The following GLDC variants were observed in gnomAD, a reference collection of about 807,000 sequenced individuals.
GLDC encodes glycine decarboxylase.
GLDC carries 104 observed loss-of-function variants against 121.3 expected under a neutral mutation model. That is an observed-to-expected ratio of 0.86 (90% CI 0.73 to 1.01). The LOEUF is 1.01. GLDC is among the 50% of genes least tolerant of loss of function. The pLI is 0.00. For missense variants in GLDC, 1,429 were observed against 1,306.6 expected (o/e 1.09, Z -1.44); for synonymous variants, 546 against 480.6 (o/e 1.14, Z -1.78).
At chr9:6,626,337 A>C (rs773134506) in intron 2 of GLDC, among the ~76,000 whole-genome samples, 2 of 152,214 alleles carry the variant, frequency 1.3e-5, no homozygotes, top group Non-Finnish European at 2.9e-5. Flanking sequence ...GCTCCAGGAG[A>C]CCAGTCAAGA....
chr9:6,550,458 C>G (rs1287272319), intron 21 of GLDC, among the ~76,000 whole-genome samples: 1 of 152,054 alleles, frequency 6.6e-6, no homozygotes, highest in East Asian at 1.9e-4. Context: ...GAAACCCTGT[C>G]TCTACTAAAA....
intron 2 of GLDC, among the ~76,000 whole-genome samples, chr9:6,629,958 T>TATATATATATGTGTATATA: frequency 1.3e-5 from 1 of 78,680 alleles, no homozygotes. Flanking sequence ...TATATATATA[T>TATATATATATGTGTATATA]TTTTTTTTTT....
At chr9:6,611,428 T>TGGGC (rs1563860575) in intron 3 of GLDC, among the ~76,000 whole-genome samples, 2 of 152,102 alleles carry the variant, frequency 1.3e-5, no homozygotes, top group African/African-American at 4.8e-5. Context: ...TGGTGGCACG[T>TGGGC]GCCTGTAGTC....
chr9:6,629,467 G>A (rs571824854), intron 2 of GLDC, among the ~76,000 whole-genome samples: 9 of 151,974 alleles, frequency 5.9e-5, no homozygotes, highest in East Asian at 1.9e-4. Flanking sequence ...TGCCTGCCTC[G>A]GCCCCCAAGT....
chr9:6,564,106 G>A (rs1817809343), intron 16 of GLDC, among the ~76,000 whole-genome samples: 1 of 152,006 alleles, frequency 6.6e-6, no homozygotes, highest in African/African-American at 2.4e-5. Context: ...AAATTAGCCG[G>A]GCGTGGTGGC....
Position 6,591,429 on chromosome 9 carries a change from C to T in GLDC, c.1482+714G>A, listed in dbSNP as rs187708043. Among the ~76,000 whole-genome samples the T allele has an allele frequency of 1.1e-4, 17 of 152,320 alleles. No homozygotes were observed. In the East Asian group the frequency reaches 2.7e-3, roughly 24 times the overall value. ...CTGTAAGCACCAGGAGGACAAGAAG[C>T]ATGTCTAATTCACCACTGTGTCTTC... is the stretch of plus-strand genomic sequence containing the variant. On this transcript the variant is annotated intron_variant, in intron 11 of 24. Transcript: ENST00000321612.
intron 8 of GLDC, among the ~76,000 whole-genome samples, chr9:6,599,456 C>T (rs1032357201): frequency 1.3e-5 from 2 of 152,070 alleles, no homozygotes; most frequent in Non-Finnish European, 2.9e-5. Flanking sequence ...GGCATGGCGG[C>T]TTATGCCTGT....
chr9:6,592,186 T>A lies in GLDC; in HGVS notation c.1439A>T (p.Asp480Val). ...AAAGATCCACAACAAATCGTCCAGA[T>A]CTTTTTCATTGACTGTTTCATCAAG... ...ISLDETVNEK[D>V]LDDLLWIFGC... is the part of the protein sequence containing the mutation. The change falls in exon 11 of 25, where the codon GAT becomes GTT. Residue 480 changes from aspartate (D) to valine (V), a missense_variant. Physicochemically the swap from Asp to Val is radical, Grantham distance 152. Transcript: ENST00000321612. The A allele has an allele frequency of 6.2e-7, 1 of 1,608,944 alleles. No homozygotes were observed. The highest frequency in any genetic ancestry group is 1.3e-5 in the African/African-American group (1 of 74,968).
At chr9:6,561,244 T>C (rs1817752723) in intron 16 of GLDC, among the ~76,000 whole-genome samples, 1 of 152,244 alleles carries the variant, frequency 6.6e-6, no homozygotes, top group African/African-American at 2.4e-5. Context: ...GAAGTCACAG[T>C]GGCTTTGTGA....
chr9:6,549,699 T>C (rs1817469359), intron 21 of GLDC, among the ~76,000 whole-genome samples: 1 of 152,094 alleles, frequency 6.6e-6, no homozygotes, highest in Non-Finnish European at 1.5e-5. Context: ...CCAGGGTGAC[T>C]TTGTTCCCCT....
At chr9:6,613,424 G>C (rs1389818366) in intron 3 of GLDC, among the ~76,000 whole-genome samples, 1 of 151,970 alleles carries the variant, frequency 6.6e-6, no homozygotes, top group Admixed American at 6.6e-5. Flanking sequence ...CCAGGAGTTC[G>C]AGACCAGCCT....
intron 2 of GLDC, among the ~76,000 whole-genome samples, chr9:6,626,139 T>A (rs1819232707): frequency 6.6e-6 from 1 of 151,902 alleles, no homozygotes; most frequent in Non-Finnish European, 1.5e-5. Flanking sequence ...ATGGTTTATT[T>A]TCCACTCCTG....
intron 2 of GLDC, among the ~76,000 whole-genome samples, chr9:6,627,497 G>C (rs775713731): frequency 6.6e-6 from 1 of 152,012 alleles, no homozygotes; most frequent in African/African-American, 2.4e-5. Flanking sequence ...GGACTAATGA[G>C]TTTTCCTGGA....
chr9:6,634,257 A>G (rs1419649303), intron 2 of GLDC, among the ~76,000 whole-genome samples: 1 of 151,838 alleles, frequency 6.6e-6, no homozygotes, highest in Non-Finnish European at 1.5e-5. Context: ...ACCCAAAACC[A>G]TGAGTCTCAT....
chr9:6,592,037 C>G, intron 11 of GLDC, 106 bp downstream of exon 11: 1 of 763,810 alleles, frequency 1.3e-6, no homozygotes, highest in Non-Finnish European at 2.4e-6. Context: ...CAACAAGCTA[C>G]CAGTGTCACA....
rs147764275 is a variant in GLDC, at chr9:6,598,475, A to G, written c.1156-3356T>C. On this transcript the variant is annotated intron_variant, in intron 8 of 24. Transcript: ENST00000321612. ...ATGCCCCATCCACGATGCGAAACTA[A>G]GAGTGGACTCCCCCACCCACCCCAG... Among the ~76,000 whole-genome samples, 12 of 152,364 alleles carry G rather than the reference A, an allele frequency of 7.9e-5. No homozygotes were observed. The East Asian group carries it at 2.3e-3, about 29-fold the overall frequency.
chr9:6,590,369 C>G (rs1313306381), intron 11 of GLDC, among the ~76,000 whole-genome samples: 5 of 152,118 alleles, frequency 3.3e-5, no homozygotes, highest in African/African-American at 9.7e-5. Context: ...AGATTTAATA[C>G]TTGTCCCCTC....
chr9:6,625,720 A>G (rs952831416), intron 2 of GLDC, among the ~76,000 whole-genome samples: 6 of 151,942 alleles, frequency 3.9e-5, no homozygotes, highest in African/African-American at 1.5e-4. Flanking sequence ...TCTCTTTACT[A>G]TGGTTTTATT....
At chr9:6,561,814 A>G (rs1452891971) in intron 16 of GLDC, among the ~76,000 whole-genome samples, 1 of 152,182 alleles carries the variant, frequency 6.6e-6, no homozygotes, top group Non-Finnish European at 1.5e-5. Context: ...GAATAGCATG[A>G]GGTCATCTTT....
Sources: gnomAD v4.1 joint callset for allele counts (sites outside exome capture counted in the v4.1 genomes callset) on GRCh38, gnomAD v4.1.1 for gene constraint, MANE v1.5 for transcripts, NCBI Gene and HGNC (gene_info 2026-07-23, HGNC 2026-07-21) for gene names.